The following CACNA1C variants were observed in gnomAD, a reference collection of about 807,000 sequenced individuals.
The protein encoded by CACNA1C is voltage-dependent L-type calcium channel subunit alpha-1C.
CACNA1C carries 30 observed loss-of-function variants against 229.0 expected under a neutral mutation model. The observed-to-expected ratio is 0.13, with a 90% CI of 0.10 to 0.18. CACNA1C has a LOEUF of 0.18. CACNA1C is among the 10% of genes least tolerant of loss of function. The probability of loss-of-function intolerance (pLI) is 1.00; values close to 1 mark genes in which losing one functional copy is unlikely to be tolerated. For missense variants in CACNA1C, 1,658 were observed against 2,845.0 expected (o/e 0.58, Z 9.49); for synonymous variants, 1,114 against 1,132.5 (o/e 0.98, Z 0.33).
chr12:2,048,775 T>G (rs891826975), upstream of CACNA1C, among the ~76,000 whole-genome samples: 10 of 152,164 alleles, frequency 6.6e-5, no homozygotes, highest in Admixed American at 6.5e-4. Context: ...GGGCTCTGTG[T>G]CAAGAGGTGT....
chr12:2,086,646 G>A (rs2067789297), intron 1 of CACNA1C, among the ~76,000 whole-genome samples: 1 of 152,204 alleles, frequency 6.6e-6, no homozygotes, highest in Non-Finnish European at 1.5e-5. Context: ...TCCACATGGT[G>A]ACTCAGTGAG....
intron 9 of CACNA1C, among the ~76,000 whole-genome samples, chr12:2,534,471 C>T (rs1030988560): frequency 2.6e-5 from 4 of 152,306 alleles, no homozygotes; most frequent in Admixed American, 1.3e-4. Flanking sequence ...CTCTCTGTGC[C>T]GAGAGTCCCC....
intron 1 of CACNA1C, among the ~76,000 whole-genome samples, chr12:2,099,950 G>A (rs2075692199): frequency 6.6e-6 from 1 of 152,234 alleles, no homozygotes; most frequent in South Asian, 2.1e-4. Context: ...TGAGGAAGCT[G>A]AGGCACAGAG....
chr12:2,550,586 T>C (rs745414184), intron 10 of CACNA1C: 1 of 1,351,748 alleles, frequency 7.4e-7, no homozygotes, highest in Non-Finnish European at 9.8e-7. Flanking sequence ...TTCTGTTGCC[T>C]TGGGGTGTCA....
intron 3 of CACNA1C, among the ~76,000 whole-genome samples, chr12:2,136,863 T>C (rs2093566281): frequency 6.6e-6 from 1 of 151,434 alleles, no homozygotes. Context: ...TGAGAATCTC[T>C]GGTTGGGGTG....
intron 29 of CACNA1C, 96 bp downstream of exon 29, chr12:2,612,109 G>T (rs1446227389): frequency 4.0e-6 from 3 of 757,514 alleles, no homozygotes; most frequent in Admixed American, 4.0e-5. Flanking sequence ...GAGGGGAAGA[G>T]GGAAAAAGGC....
Position 2,512,799 on chromosome 12 carries a change from T to G in CACNA1C, c.1218-13T>G. Reference sequence around the variant, plus strand: ...GTGCTCTCCTGCCCTGCCCCTCCTCTCACTCTCACCAGAGAGTTTTCCAAA... The same window carrying G: ...GTGCTCTCCTGCCCTGCCCCTCCTCGCACTCTCACCAGAGAGTTTTCCAAA... On this transcript the variant is annotated splice_polypyrimidine_tract_variant and intron_variant, in intron 8 of 46. Coordinates refer to ENST00000399655, the MANE Select transcript of CACNA1C (RefSeq NM_000719.7). This position sits in a 1 kb window ranked among gnomAD's most constrained non-coding sequence, Gnocchi z 4.3. The G allele has an allele frequency of 6.2e-7, 1 of 1,601,882 alleles. No individual in the cohort carries two copies. The highest frequency in any genetic ancestry group is 8.5e-7 in the Non-Finnish European group (1 of 1,173,346).
rs1044312185 is a variant in CACNA1C at position 2,630,066 on chromosome 12, T to G, written c.3829-4231T>G. Among the ~76,000 whole-genome samples the G allele has an allele frequency of 1.3e-5, 2 of 152,184 alleles. No individual in the cohort carries two copies. The highest frequency in any genetic ancestry group is 2.9e-5 in the Non-Finnish European group (2 of 68,028). On this transcript the variant is annotated intron_variant, in intron 29 of 46. Coordinates refer to ENST00000399655, the MANE Select transcript of CACNA1C (RefSeq NM_000719.7). The surrounding 1 kb of genome is among the most constrained non-coding windows in gnomAD (Gnocchi z 5.4). ...CCAGCTGCAAAAACGCTTTCCCTTC[T>G]GGGCAGCCCGCCCTGCGTGGCTCTG...
At chr12:2,411,527 G>A (rs934211009) in intron 3 of CACNA1C, among the ~76,000 whole-genome samples, 1 of 152,166 alleles carries the variant, frequency 6.6e-6, no homozygotes, top group Admixed American at 6.5e-5. Flanking sequence ...TAAGAACCAG[G>A]AGGAACAGAG....
At chr12:1,998,063 T>C (rs1565875644) in intron 1 of CACNA1C, 5 of 1,237,854 alleles carry the variant, frequency 4.0e-6, no homozygotes, top group Admixed American at 4.7e-5. Context: ...ATAGGAATTA[T>C]ATATAACTTC....
At chr12:2,172,889 G>C (rs1406725969) in intron 3 of CACNA1C, among the ~76,000 whole-genome samples, 1 of 152,218 alleles carries the variant, frequency 6.6e-6, no homozygotes, top group Non-Finnish European at 1.5e-5. Context: ...GCCTTGGCTG[G>C]GGCCTCATGG....
intron 3 of CACNA1C, among the ~76,000 whole-genome samples, chr12:2,121,207 C>T (rs1352621880): frequency 6.6e-6 from 1 of 152,232 alleles, no homozygotes; most frequent in African/African-American, 2.4e-5. Context: ...CACCGTCACT[C>T]TCCACGTGAT....
intron 3 of CACNA1C, among the ~76,000 whole-genome samples, chr12:2,159,697 C>T (rs573217548): frequency 2.0e-4 from 30 of 151,554 alleles, no homozygotes; most frequent in South Asian, 6.3e-4. Flanking sequence ...CTTCACCTCC[C>T]GGGTTCAAGC....
rs141579377 is a variant in CACNA1C, at chr12:2,639,660, T to G, written c.3912+5280T>G. Among the ~76,000 whole-genome samples the G allele has an allele frequency of 6.6e-6, 1 of 152,334 alleles. No homozygotes were observed. Among genetic ancestry groups the G allele is most frequent in the East Asian group, 1.9e-4 (1 of 5,186 alleles). Reference sequence around the variant, plus strand: ...TGCAGTGATTCTGACTTGGGCATTTTCTGACAGCTGGAGGTGGATGCTTCA... The same window carrying G: ...TGCAGTGATTCTGACTTGGGCATTTGCTGACAGCTGGAGGTGGATGCTTCA... On this transcript the variant is annotated intron_variant, in intron 30 of 46. Coordinates refer to ENST00000399655, the MANE Select transcript of CACNA1C (RefSeq NM_000719.7). The surrounding 1 kb of genome is among the most constrained non-coding windows in gnomAD (Gnocchi z 4.2).
chr12:2,145,545 G>T lies in CACNA1C; in HGVS notation c.477+25115G>T, dbSNP rs559719063. On this transcript the variant is annotated intron_variant, in intron 3 of 46. Transcript: ENST00000399655. ...TCATTGTAGGTTTATACATGTGTTT[G>T]CTTGCTCATTTATTTTGTCATCATT... Among the ~76,000 whole-genome samples, 12 of 151,148 alleles carry T rather than the reference G, an allele frequency of 7.9e-5. 1 individual carries two copies. In the South Asian group the frequency reaches 2.1e-3, roughly 26 times the overall value.
chr12:2,612,381 C>A (rs945007208), intron 29 of CACNA1C: 1 of 175,716 alleles, frequency 5.7e-6, no homozygotes, highest in Non-Finnish European at 1.2e-5. Context: ...GCAGACCAAA[C>A]CTCTCCAGGC....
chr12:2,331,090 C>T (rs557889850), intron 3 of CACNA1C, among the ~76,000 whole-genome samples: 215 of 151,980 alleles, frequency 1.4e-3, no homozygotes, highest in Non-Finnish European at 2.0e-3. Flanking sequence ...TAAAGAAATG[C>T]GAAGACTCTG....
intron 3 of CACNA1C, among the ~76,000 whole-genome samples, chr12:2,262,426 C>T (rs533131172): frequency 6.6e-6 from 1 of 152,240 alleles, no homozygotes; most frequent in Non-Finnish European, 1.5e-5. Flanking sequence ...GGAAAAGCAA[C>T]ATTGACCAAT....
At chr12:1,993,100 C>T (rs1401840237) in intron 1 of CACNA1C, 2 of 889,222 alleles carry the variant, frequency 2.2e-6, no homozygotes, top group South Asian at 2.6e-5. Context: ...GAATCTATTC[C>T]ATCATTAGGG....
Sources: allele counts gnomAD v4.1 joint callset (sites outside exome capture counted in the v4.1 genomes callset), GRCh38; gene constraint gnomAD v4.1.1; non-coding constraint Gnocchi (gnomAD v3.1); transcripts MANE v1.5; gene names NCBI Gene and HGNC (gene_info 2026-07-23, HGNC 2026-07-21).